The following STAB2 variants were observed in gnomAD, a reference collection of about 807,000 sequenced individuals.
STAB2 encodes stabilin-2.
STAB2 carries 288 observed loss-of-function variants against 338.1 expected under a neutral mutation model. The observed-to-expected ratio is 0.85, with a 90% CI of 0.77 to 0.94. The LOEUF (loss-of-function observed/expected upper bound fraction) is 0.94. STAB2 is among the 40% of genes least tolerant of loss of function. The pLI, the probability that STAB2 is intolerant of heterozygous loss-of-function variation, is 0.00. For missense variants in STAB2, 3,141 were observed against 3,210.1 expected (o/e 0.98, Z 0.52); for synonymous variants, 1,202 against 1,193.3 (o/e 1.01, Z -0.15).
At chr12:103,655,209 A>G (rs1236015959) in intron 13 of STAB2, 42 bp from the exon 14 acceptor site, 54 of 1,551,220 alleles carry the variant, frequency 3.5e-5, no homozygotes, top group Non-Finnish European at 4.7e-5. Context: ...CTAAATCACA[A>G]TATTTTATTT....
At chr12:103,608,479 A>G (rs927932006) in intron 3 of STAB2, among the ~76,000 whole-genome samples, 3 of 152,114 alleles carry the variant, frequency 2.0e-5, no homozygotes, top group Non-Finnish European at 2.9e-5. Flanking sequence ...TTGGCTGCAT[A>G]AATGTCTTCT....
At chr12:103,698,395 G>A (rs1566024662) in intron 33 of STAB2, among the ~76,000 whole-genome samples, 1 of 152,110 alleles carries the variant, frequency 6.6e-6, no homozygotes, top group Non-Finnish European at 1.5e-5. Context: ...TAGTGGTTGG[G>A]AAGAGACATC....
chr12:103,603,845 A>G (rs1956988826), intron 3 of STAB2, among the ~76,000 whole-genome samples: 1 of 152,186 alleles, frequency 6.6e-6, no homozygotes. Flanking sequence ...TCCTGTGCAT[A>G]ACGACCCCGT....
intron 28 of STAB2, among the ~76,000 whole-genome samples, chr12:103,688,884 G>A (rs543825331): frequency 3.9e-5 from 6 of 152,276 alleles, no homozygotes; most frequent in South Asian, 4.1e-4. Flanking sequence ...ACTCACTCAC[G>A]AAAGCTGATT....
rs145380116 is a variant in STAB2, at chr12:103,615,866, C to A, written c.332-4602C>A. Among the ~76,000 whole-genome samples, 122 of 152,276 alleles carry A rather than the reference C, an allele frequency of 8.0e-4. No individual in the cohort carries two copies. The East Asian group carries it at 0.021, about 26-fold the overall frequency. Reference sequence around the variant, plus strand: ...TGAGACTCATTCACTATCACAAGAACAGCACGGGGGAAACTGCCCCATGAT... The same window carrying A: ...TGAGACTCATTCACTATCACAAGAAAAGCACGGGGGAAACTGCCCCATGAT... On this transcript the variant is annotated intron_variant, in intron 3 of 68. Transcript: ENST00000388887.
At chr12:103,712,973 C>T (rs1333085257) in intron 41 of STAB2, among the ~76,000 whole-genome samples, 1 of 152,186 alleles carries the variant, frequency 6.6e-6, no homozygotes, top group African/African-American at 2.4e-5. Context: ...GTTAAGTGAG[C>T]TCTCTGTGTT....
intron 37 of STAB2, among the ~76,000 whole-genome samples, chr12:103,706,537 C>T (rs78004438): frequency 0.014 from 2,062 of 152,154 alleles, 23 homozygotes; most frequent in Non-Finnish European, 0.02. Flanking sequence ...TTTCTTCATC[C>T]TCTTCTCTGA....
Position 103,590,971 on chromosome 12 carries a change from C to A in STAB2, c.156C>A (p.Val52=). Residue 52 remains valine (V), a synonymous_variant, in exon 2 of 69, where the codon GTC becomes GTA. Transcript: ENST00000388887. ...ECRSCALNLG[V]KCPDGYTMIT... is the part of the protein sequence containing the mutation. ...GATCCTGCGCTCTCAACCTTGGAGTCAAGTGCCCGGATGGTTACACCATGA... is the reference window on the plus strand; with the variant it reads ...GATCCTGCGCTCTCAACCTTGGAGTAAAGTGCCCGGATGGTTACACCATGA... 1 of 1,614,076 alleles carries A rather than the reference C, an allele frequency of 6.2e-7. No individual in the cohort carries two copies. The highest frequency in any genetic ancestry group is 8.5e-7 in the Non-Finnish European group (1 of 1,180,012).
rs560477578 is a variant in STAB2 at position 103,766,559 on chromosome 12, G to C, written c.*223G>C. 1 of 533,492 alleles carries C rather than the reference G, an allele frequency of 1.9e-6. No homozygotes were observed. Among genetic ancestry groups the C allele is most frequent in the Admixed American group, 3.3e-5 (1 of 30,490 alleles). 33.0% of individuals were successfully genotyped at this position (533,492 alleles called of 1,614,324 possible). On this transcript the variant is annotated 3_prime_UTR_variant, in exon 69 of 69. Coordinates refer to ENST00000388887, the MANE Select transcript of STAB2 (RefSeq NM_017564.10). ...CTGACCCTTTGGCTCTTCTTCCTTT[G>C]TACTCTTCAGCTGGCACCTGCTCCA...
intron 26 of STAB2, among the ~76,000 whole-genome samples, chr12:103,684,437 C>A (rs1281100929): frequency 2.0e-5 from 3 of 152,184 alleles, no homozygotes; most frequent in Non-Finnish European, 4.4e-5. Flanking sequence ...CCCAAGGTGT[C>A]TGTTACTCAA....
chr12:103,656,606 C>A (rs939503457), intron 15 of STAB2, among the ~76,000 whole-genome samples: 1 of 151,774 alleles, frequency 6.6e-6, no homozygotes, highest in African/African-American at 2.4e-5. Flanking sequence ...TAGGAATTCA[C>A]ATAGATATAT....
intron 21 of STAB2, 46 bp downstream of exon 21, chr12:103,669,673 T>G: frequency 6.4e-7 from 1 of 1,556,154 alleles, no homozygotes; most frequent in East Asian, 2.2e-5. Context: ...CAAACAATAA[T>G]TTTTAGAACT....
At chr12:103,619,756 G>T (rs116255658) in intron 3 of STAB2, among the ~76,000 whole-genome samples, 8 of 115,602 alleles carry the variant, frequency 6.9e-5, no homozygotes, top group Admixed American at 6.5e-4. Flanking sequence ...AACGCCCCCC[G>T]CCCCCGCCAC....
At position 103,735,600 on chromosome 12, in the gene STAB2, G is replaced by C; in HGVS notation, c.5550+20G>C. 6.8e-7 allele frequency: 1 copy of C among 1,480,078 alleles called. No homozygotes were observed. The highest frequency in any genetic ancestry group is 2.3e-5 in the East Asian group (1 of 43,816). 91.7% of individuals were successfully genotyped at this position (1,480,078 alleles called of 1,614,324 possible). ...GACATCGTGAGTATCATCATGAAGG[G>C]TGGGCAGGGAGGGGTTAACACATTC... On this transcript the variant is annotated intron_variant, in intron 52 of 68. Coordinates refer to ENST00000388887, the MANE Select transcript of STAB2 (RefSeq NM_017564.10).
intron 3 of STAB2, among the ~76,000 whole-genome samples, chr12:103,605,016 A>G (rs772986952): frequency 1.3e-5 from 2 of 151,848 alleles, no homozygotes; most frequent in Non-Finnish European, 2.9e-5. Context: ...CTTTAAGTGC[A>G]TCTCATAAAT....
At chr12:103,679,756 C>G (rs2138856270) in intron 25 of STAB2, among the ~76,000 whole-genome samples, 1 of 152,300 alleles carries the variant, frequency 6.6e-6, no homozygotes, top group Non-Finnish European at 1.5e-5. Flanking sequence ...TAAGCATATG[C>G]TCTAGCAGTT....
chr12:103,689,818 G>C, intron 28 of STAB2, 28 bp from the exon 29 acceptor site: 3 of 1,605,546 alleles, frequency 1.9e-6, no homozygotes, highest in Non-Finnish European at 2.5e-6. Context: ...ACATAAGCAG[G>C]TCACTTTATT....
At chr12:103,690,347 C>G in intron 29 of STAB2, 77 bp from the exon 30 acceptor site, 1 of 1,263,238 alleles carries the variant, frequency 7.9e-7, no homozygotes, top group South Asian at 1.4e-5. Flanking sequence ...GGCTCCAGAG[C>G]CTATTCTCTT....
At chr12:103,729,685 T>G (rs1449931043) in intron 48 of STAB2, among the ~76,000 whole-genome samples, 3 of 152,148 alleles carry the variant, frequency 2.0e-5, no homozygotes, top group Non-Finnish European at 4.4e-5. Context: ...GTAGCATTAG[T>G]CAGAAGCTGG....
Sources: gnomAD v4.1 joint callset for allele counts (sites outside exome capture counted in the v4.1 genomes callset) on GRCh38, gnomAD v4.1.1 for gene constraint, MANE v1.5 for transcripts, NCBI Gene and HGNC (gene_info 2026-07-23, HGNC 2026-07-21) for gene names.